Variants in DPH7 observed in about 807,000 individuals in gnomAD.
DPH7 encodes the protein diphthine methyltransferase.
Under a neutral mutation model 41.7 loss-of-function variants are expected in DPH7, and 44 were observed. The observed-to-expected ratio is 1.05, with a 90% CI of 0.83 to 1.36. DPH7 has a LOEUF of 1.36. DPH7 is among the 40% of genes most tolerant of loss of function. DPH7 has a pLI of 0.00. For synonymous variants in DPH7, 275 were observed against 238.0 expected (o/e 1.16, Z -1.43); for missense variants, 629 against 577.5 (o/e 1.09, Z -0.91).
chr9:137,556,858 C>G lies in DPH7; in HGVS notation c.950-1210G>C, dbSNP rs1022372959. ...AGGCAGAGTCTAAGCCCTCAGAGAGCCACAGCCTGGGAAAAAGACAGCGAA... is the reference window on the plus strand; with the variant it reads ...AGGCAGAGTCTAAGCCCTCAGAGAGGCACAGCCTGGGAAAAAGACAGCGAA... On this transcript the variant is annotated intron_variant, in intron 8 of 8. Transcript: ENST00000277540. The surrounding 1 kb of genome is among the most constrained non-coding windows in gnomAD (Gnocchi z 5.2). The G allele has an allele frequency of 2.2e-6, 1 of 456,564 alleles. No individual in the cohort carries two copies. Among genetic ancestry groups the G allele is most frequent in the African/African-American group, 2.0e-5 (1 of 50,082 alleles). 28.3% of individuals were successfully genotyped at this position (456,564 alleles called of 1,614,324 possible).
rs773980330 is a variant in DPH7, at chr9:137,564,593, T to C, written c.790A>G (p.Ile264Val). The C allele has an allele frequency of 1.9e-6, 3 of 1,612,612 alleles. No homozygotes were observed. The highest frequency in any genetic ancestry group is 4.5e-5 in the East Asian group (2 of 44,808). Residue 264 changes from isoleucine (I) to valine (V), a missense_variant, in exon 8 of 9, where the codon ATC (isoleucine) becomes GTC (valine). Transcript: ENST00000277540. ...ILATGSYDEH[I>V]LLWDTRNMKQ... Reference sequence around the variant, plus strand: ...ATGTTTCGTGTGTCCCACAGTAGGATGTGTTCATCATAGCTGAAACCGACC... The same window carrying C: ...ATGTTTCGTGTGTCCCACAGTAGGACGTGTTCATCATAGCTGAAACCGACC...
Position 137,577,548 on chromosome 9 carries a change from C to T in DPH7, c.209G>A (p.Ser70Asn), listed in dbSNP as rs573019892. The T allele has an allele frequency of 2.0e-5, 32 of 1,614,076 alleles. No homozygotes were observed. The East Asian group carries it at 6.7e-4, about 34-fold the overall frequency. The change falls in exon 2 of 9, where the codon AGT becomes AAT. Residue 70 changes from serine (S) to asparagine (N), a missense_variant. Transcript: ENST00000277540. Reference protein sequence around the residue: ...QVRLGRLFLYSFNDNNSIHPL... With the variant: ...QVRLGRLFLYNFNDNNSIHPL... ...GTGAATAGAGTTGTTGTCATTGAAACTGTACAGGAAGAGACGGCCTAAACG... is the reference window on the plus strand; with the variant it reads ...GTGAATAGAGTTGTTGTCATTGAAATTGTACAGGAAGAGACGGCCTAAACG...
intron 7 of DPH7, 120 bp downstream of exon 7, chr9:137,564,773 C>T: frequency 7.0e-7 from 1 of 1,429,976 alleles, no homozygotes; most frequent in African/African-American, 1.4e-5. Context: ...GAAGCACTGG[C>T]AGACGAAATG....
At chr9:137,575,428 G>C (rs1588935999) in intron 3 of DPH7, 1 of 988,556 alleles carries the variant, frequency 1.0e-6, no homozygotes, top group Non-Finnish European at 1.2e-6. Context: ...CTCCTCCCTT[G>C]GGCCCACAGC....
At chr9:137,571,328 A>T (rs1469357856) in intron 5 of DPH7, among the ~76,000 whole-genome samples, 1 of 151,872 alleles carries the variant, frequency 6.6e-6, no homozygotes, top group African/African-American at 2.4e-5. Context: ...TTGGGACTAC[A>T]GGCGCCTGCC....
intron 3 of DPH7, chr9:137,575,567 G>A: frequency 1.0e-6 from 1 of 995,474 alleles, no homozygotes; most frequent in Non-Finnish European, 1.2e-6. Flanking sequence ...ATCGGAGTGA[G>A]GGCGTGGTTT....
At chr9:137,563,341 A>AC (rs1564422901) in intron 8 of DPH7, among the ~76,000 whole-genome samples, 5 of 151,822 alleles carry the variant, frequency 3.3e-5, no homozygotes, top group African/African-American at 1.2e-4. Context: ...GACCAGCCTG[A>AC]CCAACATGGT....
intron 8 of DPH7, among the ~76,000 whole-genome samples, chr9:137,558,483 C>T (rs895579778): frequency 3.9e-5 from 6 of 152,196 alleles, no homozygotes; most frequent in African/African-American, 1.4e-4. Flanking sequence ...AGAATGTGGT[C>T]CATCATTACC....
chr9:137,575,045 C>G (rs1360315943), intron 3 of DPH7: 6 of 1,370,382 alleles, frequency 4.4e-6, no homozygotes, highest in Non-Finnish European at 5.7e-6. Flanking sequence ...CTGGAGCTCA[C>G]ACTCCTCACA....
rs139147559 is a variant in DPH7 at position 137,555,342 on chromosome 9, T to C, written c.1256A>G (p.Asp419Gly). 1.2e-6 allele frequency: 2 copies of C among 1,614,214 alleles called. 1 individual carries two copies. Among genetic ancestry groups the C allele is most frequent in the Non-Finnish European group, 1.7e-6 (2 of 1,180,028 alleles). The change falls in exon 9 of 9, where the codon GAC becomes GGC. Residue 419 changes from aspartate (D) to glycine (G), a missense_variant. Asp to Gly is a moderately conservative substitution (Grantham distance 94, BLOSUM62 -1). Transcript: ENST00000277540. ...TGCTTCTTCTGGGTTCACGCCACAG[T>C]CACGTGTGGTGGCTGCTGTAGCCTG... is the stretch of plus-strand genomic sequence containing the variant. ...WLQATAATTR[D>G]CGVNPEEADS... is the part of the protein sequence containing the mutation.
chr9:137,575,860 A>C (rs938493167), intron 3 of DPH7: 66 of 1,370,342 alleles, frequency 4.8e-5, no homozygotes, highest in Non-Finnish European at 6.0e-5. Context: ...CTGTCACTTC[A>C]GCCCTTCTGC....
rs566962436 is a variant in DPH7 at position 137,563,418 on chromosome 9, G to A, written c.949+1016C>T. 1.3e-4 allele frequency among the ~76,000 whole-genome samples: 19 copies of A among 150,964 alleles called. No individual in the cohort carries two copies. In the South Asian group the frequency reaches 3.6e-3, roughly 28 times the overall value. ...ATGGTGGTGGGTGCCTGTAATCCCA[G>A]CTACTTGGGAGGCTGAGGCAGGAGA... On this transcript the variant is annotated intron_variant, in intron 8 of 8. Transcript: ENST00000277540.
intron 5 of DPH7, among the ~76,000 whole-genome samples, chr9:137,569,374 T>TCCACCAC (rs373375627): frequency 2.9e-5 from 3 of 104,088 alleles, no homozygotes; most frequent in Non-Finnish European, 5.5e-5. Context: ...CCACCATCCA[T>TCCACCAC]CCACCACCCA....
At chr9:137,569,865 A>ACCATCCAT (rs373776373) in intron 5 of DPH7, among the ~76,000 whole-genome samples, 1 of 145,956 alleles carries the variant, frequency 6.9e-6, no homozygotes, top group East Asian at 2.1e-4. Context: ...TCATCCACCC[A>ACCATCCAT]CCATCCATCC....
chr9:137,574,347 A>G lies in DPH7; in HGVS notation c.501T>C (p.Ser167=). The G allele has an allele frequency of 6.2e-7, 1 of 1,614,172 alleles. No homozygotes were observed. Among genetic ancestry groups the G allele is most frequent in the Non-Finnish European group, 8.5e-7 (1 of 1,180,038 alleles). ...AGDQPLKIIS[S]DSTGQLHLLM... ...GGAGGTGGAGCTGCCCTGTGGAGTC[A>G]CTGCTGATGATCTTCAAGGGCTGGT... Residue 167 remains serine (S), a synonymous_variant, in exon 5 of 9, where the codon AGT becomes AGC. Transcript: ENST00000277540.
At position 137,555,658 on chromosome 9, in the gene DPH7, G is replaced by C. The variant is rs565443604; in HGVS notation, c.950-10C>G. 7.6e-6 allele frequency: 12 copies of C among 1,573,104 alleles called. No individual in the cohort carries two copies. The East Asian group carries it at 1.1e-4, about 15-fold the overall frequency. On this transcript the variant is annotated splice_polypyrimidine_tract_variant and intron_variant, in intron 8 of 8. Transcript: ENST00000277540. ...GCCTCCTGCCTCTCCTCTGGAGTGAGAGATGGGAGAACCCAGGAAACACAA... is the reference window on the plus strand; with the variant it reads ...GCCTCCTGCCTCTCCTCTGGAGTGACAGATGGGAGAACCCAGGAAACACAA...
intron 8 of DPH7, among the ~76,000 whole-genome samples, chr9:137,560,558 A>C (rs1411566646): frequency 6.6e-6 from 1 of 152,016 alleles, no homozygotes; most frequent in Non-Finnish European, 1.5e-5. Flanking sequence ...GTCTCTAATA[A>C]AAATACAAAA....
intron 3 of DPH7, chr9:137,575,603 G>A (rs1206804141): frequency 9.9e-6 from 10 of 1,007,386 alleles, no homozygotes; most frequent in East Asian, 9.4e-5. Flanking sequence ...ACCCCACTAC[G>A]GGACATCCCC....
At position 137,564,831 on chromosome 9, in the gene DPH7, C is replaced by T. The variant is rs1279176206; in HGVS notation, c.776+62G>A. ...GGCAGCGAAAGAGGGAAGAAGGGCC[C>T]AGGAGCCCCCCGGGGACAGCGAAAG... On this transcript the variant is annotated intron_variant, in intron 7 of 8. Coordinates refer to ENST00000277540, the MANE Select transcript of DPH7 (RefSeq NM_138778.5). The T allele has an allele frequency of 3.1e-5, 48 of 1,543,950 alleles. No homozygotes were observed. The Admixed American group carries it at 9.2e-4, about 30-fold the overall frequency.
Sources: allele counts gnomAD v4.1 joint callset (sites outside exome capture counted in the v4.1 genomes callset), GRCh38; gene constraint gnomAD v4.1.1; non-coding constraint Gnocchi (gnomAD v3.1); transcripts MANE v1.5; gene names NCBI Gene and HGNC (gene_info 2026-07-23, HGNC 2026-07-21).